Variants in HOOK1 observed in about 807,000 individuals in gnomAD.
HOOK1 encodes the protein protein Hook homolog 1.
HOOK1 carries 60 observed loss-of-function variants against 112.8 expected under a neutral mutation model. That is an observed-to-expected ratio of 0.53 (90% CI 0.43 to 0.66). The LOEUF (loss-of-function observed/expected upper bound fraction) is 0.66. HOOK1 is among the 30% of genes least tolerant of loss of function. The pLI is 0.00. For synonymous variants in HOOK1, 294 were observed against 283.8 expected (o/e 1.04, Z -0.36); for missense variants, 770 against 856.0 (o/e 0.90, Z 1.25).
intron 8 of HOOK1, 56 bp from the exon 9 acceptor site, chr1:59,843,376 T>A: frequency 7.6e-7 from 1 of 1,322,902 alleles, no homozygotes; most frequent in Non-Finnish European, 1.0e-6. Context: ...TAATAAGAAT[T>A]TTTATTTTTT....
intron 19 of HOOK1, 62 bp from the exon 20 acceptor site, chr1:59,868,188 T>C: frequency 1.1e-6 from 1 of 873,588 alleles, no homozygotes; most frequent in Non-Finnish European, 1.8e-6. Flanking sequence ...TTGTAAGATA[T>C]GTTCTATATG....
intron 7 of HOOK1, among the ~76,000 whole-genome samples, chr1:59,838,141 G>A (rs1401698958): frequency 6.6e-6 from 1 of 152,128 alleles, no homozygotes; most frequent in Non-Finnish European, 1.5e-5. Context: ...TGTGAATAGT[G>A]CTGTAATAAA....
At position 59,815,084 on chromosome 1, in the gene HOOK1, G is replaced by A; in HGVS notation, c.-34G>A. On this transcript the variant is annotated 5_prime_UTR_variant, in exon 1 of 22. Transcript: ENST00000371208. The stretch of plus-strand genomic sequence containing the variant: ...GAGAGCCGGTAGGAGGGAGTGTGAA[G>A]GTGTCCGCGGCGTCGTCGACGGCGG... The A allele has an allele frequency of 2.6e-6, 4 of 1,536,266 alleles. No individual in the cohort carries two copies. The highest frequency in any genetic ancestry group is 3.5e-6 in the Non-Finnish European group (4 of 1,145,078).
intron 21 of HOOK1, among the ~76,000 whole-genome samples, chr1:59,871,749 C>T (rs572623642): frequency 6.6e-6 from 1 of 152,292 alleles, no homozygotes; most frequent in Non-Finnish European, 1.5e-5. Context: ...CTACTTTTAT[C>T]TCTTATTTAT....
chr1:59,836,706 T>G (rs1236067224), intron 6 of HOOK1, among the ~76,000 whole-genome samples, 167 bp from the exon 7 acceptor site: 1 of 152,190 alleles, frequency 6.6e-6, no homozygotes, highest in Non-Finnish European at 1.5e-5. Context: ...TTTGTGTTAT[T>G]AAGTTAAGGC....
At chr1:59,866,087 T>A in intron 19 of HOOK1, 115 bp downstream of exon 19, 1 of 645,240 alleles carries the variant, frequency 1.5e-6, no homozygotes, top group Non-Finnish European at 2.8e-6. Flanking sequence ...CTCTCTTAAC[T>A]GTATTGCCTT....
chr1:59,857,811 A>G (rs2098411507), intron 12 of HOOK1, among the ~76,000 whole-genome samples: 1 of 152,200 alleles, frequency 6.6e-6, no homozygotes, highest in Non-Finnish European at 1.5e-5. Flanking sequence ...TGTAAAATAA[A>G]ATAGTCAGTG....
At chr1:59,830,637 G>C (rs1006623437) in intron 3 of HOOK1, among the ~76,000 whole-genome samples, 1 of 151,914 alleles carries the variant, frequency 6.6e-6, no homozygotes. Flanking sequence ...TATCCAGTTT[G>C]ACAATCTGTA....
At chr1:59,850,035 C>A (rs1430380477) in intron 12 of HOOK1, among the ~76,000 whole-genome samples, 1 of 151,426 alleles carries the variant, frequency 6.6e-6, no homozygotes, top group African/African-American at 2.4e-5. Flanking sequence ...CTTATCATCA[C>A]CTATTATCTT....
At chr1:59,846,030 T>C (rs1048142505) in intron 9 of HOOK1, among the ~76,000 whole-genome samples, 1 of 151,900 alleles carries the variant, frequency 6.6e-6, no homozygotes, top group Non-Finnish European at 1.5e-5. Flanking sequence ...ATTTAATTTC[T>C]TTAATGGTCA....
At chr1:59,870,376 C>T (rs995193469) in intron 20 of HOOK1, among the ~76,000 whole-genome samples, 2 of 152,176 alleles carry the variant, frequency 1.3e-5, no homozygotes, top group African/African-American at 4.8e-5. Context: ...TCTGCCATCC[C>T]TCTGGGAATT....
At position 59,836,863 on chromosome 1, in the gene HOOK1, A is replaced by C; in HGVS notation, c.475-10A>C. 1 of 1,474,628 alleles carries C rather than the reference A, an allele frequency of 6.8e-7. No homozygotes were observed. Among genetic ancestry groups the C allele is most frequent in the East Asian group, 2.3e-5 (1 of 43,870 alleles). 91.3% of individuals were successfully genotyped at this position (1,474,628 alleles called of 1,614,324 possible). On this transcript the variant is annotated splice_polypyrimidine_tract_variant and intron_variant, in intron 6 of 21. Coordinates refer to ENST00000371208, the MANE Select transcript of HOOK1 (RefSeq NM_015888.6). ...TTGTTATACTTAATTTTATTATTTT[A>C]ATTTCCTAGTTGATGAGTAAAGAAA...
chr1:59,833,416 G>T lies in HOOK1; in HGVS notation c.285G>T (p.Gln95His). 1 of 1,519,564 alleles carries T rather than the reference G, an allele frequency of 6.6e-7. No individual in the cohort carries two copies. 94.1% of individuals were successfully genotyped at this position (1,519,564 alleles called of 1,614,324 possible). Reference sequence around the variant, plus strand: ...TTTTAATATTGTAGTTTTTGGGGCAGCAGATTTCAGAAGCACTTATCCCTG... The same window carrying T: ...TTTTAATATTGTAGTTTTTGGGGCATCAGATTTCAGAAGCACTTATCCCTG... ...IMSYYHEFLG[Q>H]QISEALIPDL... The change falls in exon 5 of 22, where the codon CAG becomes CAT. Residue 95 changes from glutamine (Q) to histidine (H), a missense_variant. Coordinates refer to ENST00000371208, the MANE Select transcript of HOOK1 (RefSeq NM_015888.6).
rs773348686 is a variant in HOOK1, at chr1:59,875,597, G to C, written c.*2632G>C. On this transcript the variant is annotated 3_prime_UTR_variant, in exon 22 of 22. Coordinates refer to ENST00000371208, the MANE Select transcript of HOOK1 (RefSeq NM_015888.6). Reference sequence around the variant, plus strand: ...ACATATACCAATGAAGAGATATTCAGCATTTGTCTATTTGATAAGGAATTA... The same window carrying C: ...ACATATACCAATGAAGAGATATTCACCATTTGTCTATTTGATAAGGAATTA... 6.6e-6 allele frequency: 1 copy of C among 152,340 alleles called. No individual in the cohort carries two copies. The highest frequency in any genetic ancestry group is 1.5e-5 in the Non-Finnish European group (1 of 67,982). The allele number at this position is 152,340 out of a possible 1,614,324, so 9.4% of individuals were successfully genotyped here.
chr1:59,858,946 A>C, intron 13 of HOOK1, 39 bp from the exon 14 acceptor site: 1 of 1,238,908 alleles, frequency 8.1e-7, no homozygotes, highest in African/African-American at 1.5e-5. Flanking sequence ...AAAATAGTTG[A>C]AATACTGAAA....
At chr1:59,856,183 C>A (rs2098410668) in intron 12 of HOOK1, among the ~76,000 whole-genome samples, 1 of 146,934 alleles carries the variant, frequency 6.8e-6, no homozygotes, top group Admixed American at 6.8e-5. Context: ...TTGCCTCAAA[C>A]AATCCTTTCA....
chr1:59,831,248 A>AT (rs2098393742), intron 3 of HOOK1, among the ~76,000 whole-genome samples: 1 of 152,094 alleles, frequency 6.6e-6, no homozygotes, highest in Non-Finnish European at 1.5e-5. Context: ...TTAAAGGCCT[A>AT]TTTTTGGCTA....
At position 59,871,843 on chromosome 1, in the gene HOOK1, G is replaced by A. The variant is rs543902737; in HGVS notation, c.2016+733G>A. On this transcript the variant is annotated intron_variant, in intron 21 of 21. Transcript: ENST00000371208. ...CACTAGTTATTCTTCCTGAAACATG[G>A]CTCATGCTTTCATGACACCATGCTT... 2.0e-5 allele frequency among the ~76,000 whole-genome samples: 3 copies of A among 152,236 alleles called. No individual in the cohort carries two copies. The South Asian group carries it at 6.2e-4, about 32-fold the overall frequency.
chr1:59,835,895 C>T (rs2098397280), intron 6 of HOOK1, among the ~76,000 whole-genome samples: 1 of 152,028 alleles, frequency 6.6e-6, no homozygotes, highest in African/African-American at 2.4e-5. Context: ...TGCCACTCAC[C>T]TGCTTCTGTG....
Sources: gnomAD v4.1 joint callset for allele counts (sites outside exome capture counted in the v4.1 genomes callset) on GRCh38, gnomAD v4.1.1 for gene constraint, MANE v1.5 for transcripts, NCBI Gene and HGNC (gene_info 2026-07-23, HGNC 2026-07-21) for gene names.